Variants in ARHGAP42 observed in about 807,000 individuals in gnomAD.
ARHGAP42 encodes rho GTPase-activating protein 42.
A neutral mutation model predicts 125.0 loss-of-function variants in ARHGAP42; 63 were observed. The ratio of observed to expected loss-of-function variants is 0.50; its 90% CI spans 0.41 to 0.62. ARHGAP42 has a LOEUF of 0.62. Among genes scored for constraint, ARHGAP42 ranks in the 20% least tolerant of loss-of-function variants. The pLI is 0.00. For synonymous variants in ARHGAP42, 339 were observed against 351.0 expected (o/e 0.97, Z 0.38); for missense variants, 766 against 1,024.2 (o/e 0.75, Z 3.44).
intron 1 of ARHGAP42, among the ~76,000 whole-genome samples, chr11:100,708,721 T>TA (rs905279135): frequency 6.6e-6 from 1 of 152,058 alleles, no homozygotes; most frequent in African/African-American, 2.4e-5. Flanking sequence ...TGCACACACT[T>TA]AAAAAAATAT....
At position 100,711,351 on chromosome 11, in the gene ARHGAP42, A is replaced by G. The variant is rs971813722; in HGVS notation, c.154+23519A>G. On this transcript the variant is annotated intron_variant, in intron 1 of 23. Coordinates refer to ENST00000298815, the MANE Select transcript of ARHGAP42 (RefSeq NM_152432.4). ...TACTTGAATGTGTTTATATTGTCCA[A>G]TGAGAATCTTCTCTGTTTGTTTTTT... Among the ~76,000 whole-genome samples, 9 of 152,110 alleles carry G rather than the reference A, an allele frequency of 5.9e-5. No homozygotes were observed. In the South Asian group the frequency reaches 8.3e-4, roughly 14 times the overall value.
Position 100,980,559 on chromosome 11 carries a change from C to CTTTT in ARHGAP42, c.2456+1537_2456+1540dup, listed in dbSNP as rs763302463. ...TCAAATCATACTTCTTTTTCTTCTT[C>CTTTT]TTTTTTTTTTTTTTTTTTTTTTTTT... On this transcript the variant is annotated intron_variant, in intron 22 of 23. Transcript: ENST00000298815. 6.1e-3 allele frequency among the ~76,000 whole-genome samples: 319 copies of CTTTT among 51,926 alleles called. 31 individuals carry two copies. Among genetic ancestry groups the CTTTT allele is most frequent in the East Asian group, 0.05 (58 of 1,164 alleles). The allele number at this position is 51,926 out of a possible 152,430, so 34.1% of individuals were successfully genotyped here.
chr11:100,725,605 A>C (rs7112041), intron 1 of ARHGAP42, among the ~76,000 whole-genome samples: 85,542 of 151,322 alleles, frequency 0.57, 24,596 homozygotes, highest in African/African-American at 0.69. Flanking sequence ...GGGCAACTGT[A>C]TCTACCAAAA....
At chr11:100,819,246 G>A (rs941344582) in intron 3 of ARHGAP42, among the ~76,000 whole-genome samples, 5 of 152,132 alleles carry the variant, frequency 3.3e-5, no homozygotes, top group Admixed American at 1.3e-4. Flanking sequence ...AGGCAAGTGA[G>A]GTTAGTCAGA....
intron 2 of ARHGAP42, among the ~76,000 whole-genome samples, chr11:100,790,922 T>C (rs1224295310): frequency 6.6e-6 from 1 of 152,232 alleles, no homozygotes; most frequent in Non-Finnish European, 1.5e-5. Context: ...AAATACGAGG[T>C]ATTACAAATT....
At chr11:100,982,398 T>C (rs1178224329) in intron 22 of ARHGAP42, among the ~76,000 whole-genome samples, 1 of 152,170 alleles carries the variant, frequency 6.6e-6, no homozygotes, top group Non-Finnish European at 1.5e-5. Flanking sequence ...GAAGCTGCAT[T>C]TTTGTCACCC....
intron 1 of ARHGAP42, among the ~76,000 whole-genome samples, chr11:100,734,925 T>C (rs528598456): frequency 2.7e-5 from 4 of 150,686 alleles, no homozygotes; most frequent in Admixed American, 2.6e-4. Context: ...CAGATGTAGT[T>C]GGTTTACACT....
chr11:100,975,539 G>A (rs1858367360), intron 19 of ARHGAP42, among the ~76,000 whole-genome samples: 1 of 152,068 alleles, frequency 6.6e-6, no homozygotes, highest in Non-Finnish European at 1.5e-5. Context: ...TGAAAATTGA[G>A]GTACTTGTAA....
intron 3 of ARHGAP42, among the ~76,000 whole-genome samples, chr11:100,804,547 A>G (rs71476650): frequency 6.9e-6 from 1 of 144,686 alleles, no homozygotes; most frequent in Non-Finnish European, 1.5e-5. Flanking sequence ...TAATTTTTAA[A>G]TTTTTTTTTT....
At chr11:100,739,875 C>A (rs1176109535) in intron 1 of ARHGAP42, among the ~76,000 whole-genome samples, 1 of 152,168 alleles carries the variant, frequency 6.6e-6, no homozygotes, top group East Asian at 1.9e-4. Flanking sequence ...CCAACACACA[C>A]AACTGCTGAG....
intron 22 of ARHGAP42, 149 bp downstream of exon 22, chr11:100,979,198 T>C: frequency 5.6e-6 from 4 of 715,144 alleles, no homozygotes; most frequent in Non-Finnish European, 9.6e-6. Context: ...AAGTCATGTC[T>C]GTAAACAGCA....
At chr11:100,975,996 G>A (rs946561302) in intron 19 of ARHGAP42, 61 bp from the exon 20 acceptor site, 4 of 1,446,024 alleles carry the variant, frequency 2.8e-6, no homozygotes, top group Middle Eastern at 1.8e-4. Flanking sequence ...AAGGGTTTTG[G>A]TGATGCTGTT....
rs189068441 is a variant in ARHGAP42 at position 100,899,604 on chromosome 11, C to G, written c.385-13848C>G. 7.3e-5 allele frequency among the ~76,000 whole-genome samples: 11 copies of G among 151,018 alleles called. No homozygotes were observed. The East Asian group carries it at 2.1e-3, about 29-fold the overall frequency. On this transcript the variant is annotated intron_variant, in intron 4 of 23. Transcript: ENST00000298815. ...CCCTTTACCATTATGTAATGGACTT[C>G]TTTGTCTCTTTTGATCTTGTTGGTT...
At chr11:100,851,724 C>T (rs568599769) in intron 3 of ARHGAP42, among the ~76,000 whole-genome samples, 4 of 152,296 alleles carry the variant, frequency 2.6e-5, no homozygotes, top group East Asian at 1.9e-4. Flanking sequence ...AATCGCCTAA[C>T]GATCCATTTC....
At chr11:100,872,986 C>T (rs145071232) in intron 4 of ARHGAP42, among the ~76,000 whole-genome samples, 70 of 152,112 alleles carry the variant, frequency 4.6e-4, no homozygotes, top group Middle Eastern at 3.4e-3. Flanking sequence ...CTGAAGTATG[C>T]CCATCATATT....
At chr11:100,933,133 T>A (rs1867631927) in intron 6 of ARHGAP42, 23 bp from the exon 7 acceptor site, 11 of 1,463,104 alleles carry the variant, frequency 7.5e-6, no homozygotes, top group Admixed American at 2.1e-5. Flanking sequence ...TTTCATGGTT[T>A]CTTTATCTCT....
At chr11:100,797,923 A>G (rs990129157) in intron 3 of ARHGAP42, among the ~76,000 whole-genome samples, 1 of 152,224 alleles carries the variant, frequency 6.6e-6, no homozygotes, top group Non-Finnish European at 1.5e-5. Context: ...AGGTTAAAAT[A>G]TCAACTGAAG....
At chr11:100,878,884 CAT>C (rs1010692468) in intron 4 of ARHGAP42, among the ~76,000 whole-genome samples, 4 of 150,502 alleles carry the variant, frequency 2.7e-5, no homozygotes, top group Admixed American at 6.6e-5. Flanking sequence ...TGGGGAGTTA[CAT>C]ATATATATAT....
intron 22 of ARHGAP42, among the ~76,000 whole-genome samples, chr11:100,980,210 C>T (rs183505933): frequency 1.3e-5 from 2 of 152,098 alleles, no homozygotes; most frequent in African/African-American, 2.4e-5. Flanking sequence ...TCAGCAGTGT[C>T]TTTATCTTCC....
Sources: allele counts gnomAD v4.1 joint callset (sites outside exome capture counted in the v4.1 genomes callset), GRCh38; gene constraint gnomAD v4.1.1; transcripts MANE v1.5; gene names NCBI Gene and HGNC (gene_info 2026-07-23, HGNC 2026-07-21).